Variants in VPS37A observed in about 807,000 individuals in gnomAD.
VPS37A encodes VPS37A subunit of ESCRT-I.
A neutral mutation model predicts 49.8 loss-of-function variants in VPS37A; 30 were observed. The observed-to-expected ratio is 0.60, with a 90% CI of 0.45 to 0.82. The LOEUF is 0.82. Among genes scored for constraint, VPS37A ranks in the 40% least tolerant of loss-of-function variants. VPS37A has a pLI of 0.00. For missense variants in VPS37A, 593 were observed against 464.4 expected, an observed-to-expected ratio of 1.28 and a Z score of -2.55; for synonymous variants, 195 against 160.6, an observed-to-expected ratio of 1.21 and a Z score of -1.62.
chr8:17,318,345 G>T, the VPS37A span, among the ~76,000 whole-genome samples: 1 of 152,080 alleles, frequency 6.6e-6, no homozygotes, highest in South Asian at 2.1e-4. Flanking sequence ...GAAAAAGCTG[G>T]GCTGAAGACA....
At chr8:17,256,501 G>C (rs1812473879) in intron 1 of VPS37A, among the ~76,000 whole-genome samples, 2 of 151,452 alleles carry the variant, frequency 1.3e-5, no homozygotes, top group African/African-American at 4.9e-5. Flanking sequence ...TTGTTTTTCT[G>C]CTTTTGAGTT....
the VPS37A span, among the ~76,000 whole-genome samples, chr8:17,308,613 T>A: frequency 6.6e-6 from 1 of 152,160 alleles, no homozygotes; most frequent in East Asian, 1.9e-4. Context: ...CTAAACTAAG[T>A]ACAGCTATAC....
chr8:17,330,471 G>A, the VPS37A span, among the ~76,000 whole-genome samples: 22 of 152,242 alleles, frequency 1.4e-4, no homozygotes, highest in African/African-American at 4.8e-4. Context: ...GTGATCACAA[G>A]GAGCAGAAGC....
At chr8:17,288,399 G>A (rs996876179) in intron 11 of VPS37A, among the ~76,000 whole-genome samples, 96 of 152,218 alleles carry the variant, frequency 6.3e-4, no homozygotes, top group African/African-American at 2.3e-3. Context: ...AGGCTCCAGT[G>A]TGTGATGTTC....
intron 11 of VPS37A, among the ~76,000 whole-genome samples, chr8:17,293,783 T>A (rs1586091109): frequency 6.6e-6 from 1 of 152,252 alleles, no homozygotes; most frequent in African/African-American, 2.4e-5. Flanking sequence ...CAGCGGAGGC[T>A]GCAGAACAGC....
intron 1 of VPS37A, among the ~76,000 whole-genome samples, chr8:17,250,087 C>G (rs1401752866): frequency 6.6e-6 from 1 of 152,120 alleles, no homozygotes. Context: ...GGGAAAGTGA[C>G]CTTTCTAGAT....
chr8:17,276,580 CA>C, intron 6 of VPS37A, 113 bp downstream of exon 6: 1 of 1,058,730 alleles, frequency 9.4e-7, no homozygotes, highest in Admixed American at 2.9e-5. Context: ...TAATCCTAAA[CA>C]ATATTGTTGT....
chr8:17,276,495 A>G (rs775296515), intron 6 of VPS37A, 28 bp downstream of exon 6: 2 of 1,589,056 alleles, frequency 1.3e-6, no homozygotes, highest in South Asian at 1.1e-5. Context: ...AGTTGGTCAC[A>G]TTGTCTATTT....
rs1156515396 is a variant in VPS37A at position 17,280,239 on chromosome 8, G to GA, written c.848dup (p.Asn283LysfsTer18). The GA allele has an allele frequency of 1.2e-6, 2 of 1,612,354 alleles. No individual in the cohort carries two copies. Among genetic ancestry groups the GA allele is most frequent in the Non-Finnish European group, 1.7e-6 (2 of 1,179,180 alleles). ...AGTAAACTAGAGATTTATCTTACAG[G>GA]AAAAAATCTCCTTTTGGAGCCCAGC... On this transcript the variant is annotated frameshift_variant and splice_region_variant, in exon 8 of 12. Transcript: ENST00000324849. LOFTEE classifies it high-confidence loss of function.
Position 17,297,358 on chromosome 8 carries a change from A to G in VPS37A, c.*2372A>G, listed in dbSNP as rs987136878. On this transcript the variant is annotated 3_prime_UTR_variant, in exon 12 of 12. Transcript: ENST00000324849. ...GGCATAAATTGAGACTAGGAAATTTATATCAGAATAGAGGGTGCTTGACAC... is the reference window on the plus strand; with the variant it reads ...GGCATAAATTGAGACTAGGAAATTTGTATCAGAATAGAGGGTGCTTGACAC... The G allele has an allele frequency of 2.6e-5, 4 of 152,154 alleles. 1 individual carries two copies. The highest frequency in any genetic ancestry group is 2.0e-4 in the Admixed American group (3 of 15,270). 9.4% of individuals were successfully genotyped at this position (152,154 alleles called of 1,614,324 possible). A position where few individuals can be genotyped will look rare whatever the true frequency, so the allele number is the denominator to read the frequency against.
the VPS37A span, among the ~76,000 whole-genome samples, chr8:17,312,632 C>T: frequency 2.7e-5 from 4 of 150,114 alleles, no homozygotes; most frequent in Admixed American, 1.3e-4. Flanking sequence ...AATATAAGCT[C>T]TGTGAGGGAA....
At chr8:17,248,525 T>G (rs1274662514) in intron 1 of VPS37A, 2 of 353,800 alleles carry the variant, frequency 5.7e-6, no homozygotes, top group Non-Finnish European at 1.1e-5. Flanking sequence ...ATCCACCCGC[T>G]TCGGCCTCCC....
the VPS37A span, among the ~76,000 whole-genome samples, chr8:17,330,503 T>G: frequency 5.1e-4 from 78 of 152,366 alleles, no homozygotes; most frequent in African/African-American, 1.7e-3. Context: ...CTGGTTTTGC[T>G]TGAAATGCAG....
chr8:17,329,266 C>T, the VPS37A span, among the ~76,000 whole-genome samples: 3 of 152,144 alleles, frequency 2.0e-5, no homozygotes, highest in Non-Finnish European at 2.9e-5. Context: ...ATCATCAGCT[C>T]AGCCTCCGCA....
At chr8:17,318,830 G>A in the VPS37A span, among the ~76,000 whole-genome samples, 5 of 152,168 alleles carry the variant, frequency 3.3e-5, no homozygotes, top group African/African-American at 1.2e-4. Context: ...AGCCTCCACA[G>A]GCATCCTCTC....
At chr8:17,266,193 A>C (rs142806249) in intron 2 of VPS37A, among the ~76,000 whole-genome samples, 3 of 152,334 alleles carry the variant, frequency 2.0e-5, no homozygotes, top group Admixed American at 2.0e-4. Flanking sequence ...AATGCAATAA[A>C]AATGTGTAAT....
rs545548916 is a variant in VPS37A, at chr8:17,286,391, G to A, written c.1158G>A (p.Ala386=). The A allele has an allele frequency of 6.4e-5, 104 of 1,613,828 alleles. No individual in the cohort carries two copies. Among genetic ancestry groups the A allele is most frequent in the African/African-American group, 8.0e-5 (6 of 75,026 alleles). The part of the protein sequence containing the change: ...RRAKEEKLQQ[A]IAMHSQFHAP... ...CCAAGGAAGAGAAACTTCAGCAGGC[G>A]ATAGCAATGCACAGCCAATTTCATG... Residue 386 remains alanine (A), a synonymous_variant, in exon 11 of 12, where the codon GCG becomes GCA. Coordinates refer to ENST00000324849, the MANE Select transcript of VPS37A (RefSeq NM_152415.3).
chr8:17,309,396 T>C, the VPS37A span: 1 of 1,069,716 alleles, frequency 9.3e-7, no homozygotes, highest in South Asian at 1.3e-5. Flanking sequence ...CAACCAATAA[T>C]GTTGAGGAAT....
chr8:17,302,859 T>G (rs2150463307), downstream of VPS37A, among the ~76,000 whole-genome samples: 1 of 151,842 alleles, frequency 6.6e-6, no homozygotes, highest in South Asian at 2.1e-4. Context: ...ATTACAGGCA[T>G]GCACCACCAT....
Sources: allele counts gnomAD v4.1 joint callset (sites outside exome capture counted in the v4.1 genomes callset), GRCh38; gene constraint gnomAD v4.1.1; transcripts MANE v1.5; gene names NCBI Gene and HGNC (gene_info 2026-07-23, HGNC 2026-07-21).